The following FBXW11 variants were observed in gnomAD, a reference collection of about 807,000 sequenced individuals.
The protein encoded by FBXW11 is F-box and WD repeat domain containing 11.
FBXW11 carries 19 observed loss-of-function variants against 77.6 expected under a neutral mutation model. The observed-to-expected ratio is 0.24, with a 90% confidence interval of 0.17 to 0.36. The LOEUF (loss-of-function observed/expected upper bound fraction) is 0.36. Ranked by LOEUF, FBXW11 falls within the 10% of genes least tolerant of loss-of-function variation. The pLI, the probability that FBXW11 is intolerant of heterozygous loss-of-function variation, is 1.00. For synonymous variants in FBXW11, 235 were observed against 249.4 expected, an observed-to-expected ratio of 0.94 and a Z score of 0.54; for missense variants, 334 against 704.2, an observed-to-expected ratio of 0.47 and a Z score of 5.95.
In FBXW11 at chr5:171,869,208, A is replaced by T. The variant is rs1407116128; in HGVS notation, c.1531-412T>A. On this transcript the variant is annotated intron_variant, in intron 12 of 13. Coordinates refer to ENST00000517395, the MANE Select transcript of FBXW11 (RefSeq NM_001378974.1). This position sits in a 1 kb window ranked among gnomAD's most constrained non-coding sequence, Gnocchi z 4.1. ...AAAATTCATGGTGAAATAATAATATAAGAGTTCCCATTAAAATCAAGAAGA... is the reference window on the plus strand; with the variant it reads ...AAAATTCATGGTGAAATAATAATATTAGAGTTCCCATTAAAATCAAGAAGA... 6.6e-6 allele frequency among the ~76,000 whole-genome samples: 1 copy of T among 152,220 alleles called. No homozygotes were observed. The highest frequency in any genetic ancestry group is 2.4e-5 in the African/African-American group (1 of 41,470).
chr5:171,890,359 C>A (rs1293783527), intron 7 of FBXW11, among the ~76,000 whole-genome samples: 1 of 151,818 alleles, frequency 6.6e-6, no homozygotes, highest in African/African-American at 2.4e-5. Flanking sequence ...ACCATCTCTA[C>A]TAAAAACAAA....
chr5:171,906,046 C>T (rs1760495791), intron 4 of FBXW11, among the ~76,000 whole-genome samples: 1 of 152,202 alleles, frequency 6.6e-6, no homozygotes, highest in South Asian at 2.1e-4. Context: ...TTAAAAGGCA[C>T]AAATTTCAAA....
Position 171,893,420 on chromosome 5 carries a change from C to CCAAAAAAAAAAAA in FBXW11, c.715-1829_715-1817dup, listed in dbSNP as rs1561656722. 6.0e-3 allele frequency among the ~76,000 whole-genome samples: 27 copies of CCAAAAAAAAAAAA among 4,534 alleles called. 1 individual carries two copies. The highest frequency in any genetic ancestry group is 0.018 in the Non-Finnish European group (15 of 822). 3.0% of individuals were successfully genotyped at this position (4,534 alleles called of 152,430 possible). On this transcript the variant is annotated intron_variant, in intron 6 of 13. Coordinates refer to ENST00000517395, the MANE Select transcript of FBXW11 (RefSeq NM_001378974.1). The stretch of plus-strand genomic sequence containing the variant: ...AGACATACAAAAGCACACTTCAAAA[C>CCAAAAAAAAAAAA]CAAAAAAAAAAAAAAAAAAAAAAAA...
chr5:171,965,121 A>G (rs933910823), intron 1 of FBXW11, among the ~76,000 whole-genome samples: 2 of 152,204 alleles, frequency 1.3e-5, no homozygotes, highest in East Asian at 3.8e-4. Flanking sequence ...GAACAGCCCA[A>G]AAGTAGTGGA....
At chr5:171,897,761 GA>G (rs944623871) in intron 6 of FBXW11, among the ~76,000 whole-genome samples, 271 of 141,196 alleles carry the variant, frequency 1.9e-3, no homozygotes, top group African/African-American at 3.3e-3. Flanking sequence ...CTCATCAAGT[GA>G]AAAAAAAAAA....
chr5:171,934,634 G>A (rs534822796), intron 2 of FBXW11, among the ~76,000 whole-genome samples: 12 of 146,520 alleles, frequency 8.2e-5, no homozygotes, highest in East Asian at 4.0e-4. Context: ...CCAAGATAGC[G>A]CCACCCTACT....
intron 1 of FBXW11, among the ~76,000 whole-genome samples, chr5:171,996,386 G>A (rs921202897): frequency 2.6e-5 from 4 of 152,178 alleles, no homozygotes; most frequent in African/African-American, 9.7e-5. Context: ...AAATAACTGA[G>A]TTAGGCGTGG....
chr5:171,978,489 C>G (rs1339986415), intron 1 of FBXW11, among the ~76,000 whole-genome samples: 4 of 152,150 alleles, frequency 2.6e-5, no homozygotes, highest in Non-Finnish European at 5.9e-5. Context: ...CCCAACAGAA[C>G]CCCACCTCAA....
chr5:171,922,998 T>C (rs1761683325), intron 2 of FBXW11, among the ~76,000 whole-genome samples: 1 of 152,138 alleles, frequency 6.6e-6, no homozygotes, highest in South Asian at 2.1e-4. Context: ...CACTGCAACC[T>C]CTGCCTCCGC....
At chr5:171,936,956 T>C (rs1421477416) in intron 2 of FBXW11, among the ~76,000 whole-genome samples, 1 of 152,252 alleles carries the variant, frequency 6.6e-6, no homozygotes, top group African/African-American at 2.4e-5. Flanking sequence ...ATCAATGTTA[T>C]GGAACAATTT....
chr5:171,955,203 C>T (rs553993348), intron 2 of FBXW11, among the ~76,000 whole-genome samples: 4 of 152,276 alleles, frequency 2.6e-5, no homozygotes, highest in East Asian at 3.9e-4. Context: ...ATCTTCCCTC[C>T]GGCTTTTTCG....
intron 6 of FBXW11, among the ~76,000 whole-genome samples, chr5:171,898,583 T>C (rs1759906072): frequency 6.6e-6 from 1 of 152,082 alleles, no homozygotes; most frequent in African/African-American, 2.4e-5. Flanking sequence ...GATATCTGAG[T>C]CATGTTTATG....
At chr5:171,971,862 T>C (rs1420810697) in intron 1 of FBXW11, among the ~76,000 whole-genome samples, 1 of 152,082 alleles carries the variant, frequency 6.6e-6, no homozygotes, top group African/African-American at 2.4e-5. Context: ...TGTACAACTG[T>C]AGCACCAGCT....
chr5:171,997,090 G>A, intron 1 of FBXW11: 1 of 1,286,164 alleles, frequency 7.8e-7, no homozygotes, highest in Non-Finnish European at 1.0e-6. Flanking sequence ...ACCCACCATG[G>A]CACCAGCGGC....
At chr5:171,957,455 G>T in intron 2 of FBXW11, 142 bp downstream of exon 2, 1 of 797,080 alleles carries the variant, frequency 1.3e-6, no homozygotes, top group African/African-American at 1.7e-5. Flanking sequence ...CCTCCATGTG[G>T]GGCACCCAGG....
intron 1 of FBXW11, among the ~76,000 whole-genome samples, chr5:172,005,670 GAAGA>G (rs1237997374): frequency 6.6e-6 from 1 of 151,684 alleles, no homozygotes; most frequent in East Asian, 1.9e-4. Context: ...TTCTTTCTGA[GAAGA>G]AAGACCTCGC....
In FBXW11 at chr5:171,910,742, T is replaced by C. The variant is rs187253625; in HGVS notation, c.266A>G (p.Asn89Ser). Residue 89 changes from asparagine (N) to serine (S), a missense_variant, in exon 4 of 14, where the codon AAC becomes AGC. Physicochemically the swap from Asn to Ser is conservative, Grantham distance 46. Around this residue, in one of 10 missense-constraint regions of FBXW11, gnomAD observed 56 missense variants for 144.9 expected, o/e 0.39. Transcript: ENST00000517395. ...ACACAAGTCTTTTTCTTTTTGATAG[T>C]TTCCTTCTGATGGCCTCTTTCTGGA... ...IVSRKRPSEG[N>S]YQKEKDLCIK... The C allele has an allele frequency of 6.2e-7, 1 of 1,613,782 alleles. No individual in the cohort carries two copies. The highest frequency in any genetic ancestry group is 2.2e-5 in the East Asian group (1 of 44,858).
At chr5:171,927,464 CAA>C (rs1761955351) in intron 2 of FBXW11, among the ~76,000 whole-genome samples, 1 of 152,076 alleles carries the variant, frequency 6.6e-6, no homozygotes, top group South Asian at 2.1e-4. Flanking sequence ...TTTAAATGAG[CAA>C]AAGACTTCCA....
At chr5:171,963,186 T>TACACAA (rs752365676) in intron 1 of FBXW11, among the ~76,000 whole-genome samples, 1 of 150,508 alleles carries the variant, frequency 6.6e-6, no homozygotes, top group African/African-American at 2.5e-5. Context: ...TAAATACACA[T>TACACAA]ACACACACAC....
Sources: gnomAD v4.1 joint callset for allele counts (sites outside exome capture counted in the v4.1 genomes callset) on GRCh38, gnomAD v4.1.1 for gene constraint, gnomAD v4.1.1 regional missense constraint, Gnocchi (gnomAD v3.1) non-coding constraint, MANE v1.5 for transcripts, NCBI Gene and HGNC (gene_info 2026-07-23, HGNC 2026-07-21) for gene names.